ZNF710: variants seen among roughly 807,000 people sequenced by gnomAD.
ZNF710 encodes zinc finger protein 710.
In ZNF710, 13 loss-of-function variants were observed where a neutral mutation model predicts 50.6. That is an observed-to-expected ratio of 0.26 (90% CI 0.17 to 0.41). The LOEUF is 0.41. Ranked by LOEUF, ZNF710 falls within the 10% of genes least tolerant of loss-of-function variation. The pLI is 1.00. For missense variants in ZNF710, 721 were observed against 936.6 expected (o/e 0.77, Z 3.01); for synonymous variants, 383 against 397.0 (o/e 0.96, Z 0.42).
upstream of ZNF710, among the ~76,000 whole-genome samples, chr15:90,000,739 G>C (rs1005543204): frequency 2.0e-5 from 3 of 152,190 alleles, no homozygotes; most frequent in Non-Finnish European, 4.4e-5. Flanking sequence ...CTCTGGCTGG[G>C]GAGGGGCGGG....
chr15:90,066,029 A>G (rs1900159993), intron 1 of ZNF710, among the ~76,000 whole-genome samples: 1 of 152,234 alleles, frequency 6.6e-6, no homozygotes, highest in African/African-American at 2.4e-5. Context: ...CTTTCAAATC[A>G]GATCGGACAT....
intron 1 of ZNF710, among the ~76,000 whole-genome samples, chr15:90,044,608 G>C (rs1345451319): frequency 6.6e-6 from 1 of 152,238 alleles, no homozygotes; most frequent in Non-Finnish European, 1.5e-5. Context: ...GGGAGCTATA[G>C]AGAATTTTCA....
chr15:90,006,105 G>A (rs949706796), intron 1 of ZNF710, among the ~76,000 whole-genome samples: 1 of 152,080 alleles, frequency 6.6e-6, no homozygotes, highest in Non-Finnish European at 1.5e-5. Flanking sequence ...AGGGAGGCTG[G>A]TCAGGGAGTG....
rs748376430 is a variant in ZNF710, at chr15:90,034,638, C to T, written c.-28-32472C>T. Reference sequence around the variant, plus strand: ...AGCCTCCTCCGGCCTCTGCCTCACCCGCCAGCTCTTCTCACCCCTTCTGAG... The same window carrying T: ...AGCCTCCTCCGGCCTCTGCCTCACCTGCCAGCTCTTCTCACCCCTTCTGAG... On this transcript the variant is annotated intron_variant, in intron 1 of 4. Coordinates refer to ENST00000268154, the MANE Select transcript of ZNF710 (RefSeq NM_198526.4). This position sits in a 1 kb window ranked among gnomAD's most constrained non-coding sequence, Gnocchi z 4.0. 4.6e-5 allele frequency among the ~76,000 whole-genome samples: 7 copies of T among 152,084 alleles called. No individual in the cohort carries two copies. Among genetic ancestry groups the T allele is most frequent in the African/African-American group, 1.2e-4 (5 of 41,408 alleles).
chr15:90,078,157 G>A (rs1484087775), intron 4 of ZNF710, among the ~76,000 whole-genome samples: 1 of 148,936 alleles, frequency 6.7e-6, no homozygotes, highest in African/African-American at 2.5e-5. Flanking sequence ...GTTGTGATGA[G>A]CCAAGATTGC....
chr15:90,001,997 G>GAGAGA (rs1898025235), intron 1 of ZNF710, among the ~76,000 whole-genome samples: 1 of 145,976 alleles, frequency 6.9e-6, no homozygotes, highest in Non-Finnish European at 1.5e-5. Context: ...GAGAGAGAGA[G>GAGAGA]GCAAAAATGA....
intron 1 of ZNF710, chr15:90,006,642 AT>A (rs1898147425): frequency 6.5e-6 from 1 of 153,024 alleles, no homozygotes; most frequent in African/African-American, 2.4e-5. Context: ...AAGAAAGGAC[AT>A]TTAAATAGCC....
intron 1 of ZNF710, among the ~76,000 whole-genome samples, chr15:90,039,643 A>G (rs982016318): frequency 1.1e-4 from 17 of 152,144 alleles, no homozygotes; most frequent in Non-Finnish European, 2.5e-4. Flanking sequence ...TCAGGTATGG[A>G]GGTGTCCAAG....
At chr15:90,063,198 C>T (rs1567238847) in intron 1 of ZNF710, among the ~76,000 whole-genome samples, 1 of 152,118 alleles carries the variant, frequency 6.6e-6, no homozygotes, top group South Asian at 2.1e-4. Context: ...GAGCCAGGCT[C>T]GGGTGTGACC....
At chr15:90,072,153 C>T (rs1015139363) in intron 2 of ZNF710, among the ~76,000 whole-genome samples, 2 of 152,122 alleles carry the variant, frequency 1.3e-5, no homozygotes, top group Admixed American at 6.6e-5. Context: ...TAAATTGGAC[C>T]CCTTTGCACA....
intron 1 of ZNF710, among the ~76,000 whole-genome samples, chr15:90,026,629 A>C (rs572001070): frequency 1.8e-4 from 27 of 152,352 alleles, no homozygotes; most frequent in African/African-American, 6.5e-4. Context: ...ATTTTGAAGC[A>C]TGAAAATGCT....
intron 1 of ZNF710, among the ~76,000 whole-genome samples, chr15:90,010,374 C>T (rs1322125933): frequency 5.9e-5 from 9 of 152,138 alleles, no homozygotes; most frequent in African/African-American, 9.7e-5. Flanking sequence ...CTGCAACCTC[C>T]GCCTCCTAGG....
chr15:90,011,196 C>T (rs1898293421), intron 1 of ZNF710, among the ~76,000 whole-genome samples: 1 of 152,058 alleles, frequency 6.6e-6, no homozygotes, highest in South Asian at 2.1e-4. Flanking sequence ...TCCCAAAGTG[C>T]TGGGATTACA....
At chr15:90,027,246 T>C (rs1006918332) in intron 1 of ZNF710, among the ~76,000 whole-genome samples, 12 of 152,084 alleles carry the variant, frequency 7.9e-5, no homozygotes, top group African/African-American at 2.7e-4. Flanking sequence ...AGTCTTGCTC[T>C]GTCGCCCAGG....
chr15:90,077,405 G>A (rs999291787), intron 4 of ZNF710, among the ~76,000 whole-genome samples: 6 of 151,872 alleles, frequency 4.0e-5, no homozygotes, highest in Admixed American at 2.6e-4. Flanking sequence ...CACCACGCCC[G>A]GCTAATTTTT....
chr15:90,032,462 C>A (rs1374894816), intron 1 of ZNF710, among the ~76,000 whole-genome samples: 1 of 151,906 alleles, frequency 6.6e-6, no homozygotes, highest in Non-Finnish European at 1.5e-5. Context: ...ATTAAATGGC[C>A]CCCAAAAAGT....
At chr15:90,074,342 A>C (rs753079998) in intron 4 of ZNF710, 52 bp downstream of exon 4, 2 of 1,602,864 alleles carry the variant, frequency 1.2e-6, no homozygotes, top group South Asian at 2.2e-5. Flanking sequence ...AACATGACGC[A>C]CTCAGGAGCC....
intron 4 of ZNF710, 101 bp from the exon 5 acceptor site, chr15:90,079,559 G>A (rs1251915393): frequency 2.1e-6 from 3 of 1,444,346 alleles, no homozygotes. Context: ...GGCCGTGACT[G>A]GGAAGCCCTC....
At chr15:90,005,598 G>A (rs1039293096) in intron 1 of ZNF710, among the ~76,000 whole-genome samples, 4 of 152,124 alleles carry the variant, frequency 2.6e-5, no homozygotes, top group Admixed American at 1.3e-4. Context: ...ACAGGCATGC[G>A]CCACTACACC....
Sources: allele counts gnomAD v4.1 joint callset (sites outside exome capture counted in the v4.1 genomes callset), GRCh38; gene constraint gnomAD v4.1.1; non-coding constraint Gnocchi (gnomAD v3.1); transcripts MANE v1.5; gene names NCBI Gene and HGNC (gene_info 2026-07-23, HGNC 2026-07-21).